The following ADAMTSL3 variants were observed in gnomAD, a reference collection of about 807,000 sequenced individuals.
ADAMTSL3 encodes the protein ADAMTS-like protein 3.
Under a neutral mutation model 201.7 loss-of-function variants are expected in ADAMTSL3, and 128 were observed. The observed-to-expected ratio is 0.63, with a 90% CI of 0.55 to 0.73. ADAMTSL3 has a LOEUF of 0.73. Among genes scored for constraint, ADAMTSL3 ranks in the 30% least tolerant of loss-of-function variants. The pLI, the probability that ADAMTSL3 is intolerant of heterozygous loss-of-function variation, is 0.00. For missense variants in ADAMTSL3, 1,990 were observed against 2,119.6 expected (o/e 0.94, Z 1.20); for synonymous variants, 738 against 748.4 (o/e 0.99, Z 0.23).
intron 15 of ADAMTSL3, among the ~76,000 whole-genome samples, chr15:83,902,265 A>G (rs2065740696): frequency 6.6e-6 from 1 of 152,046 alleles, no homozygotes; most frequent in Non-Finnish European, 1.5e-5. Context: ...GGTAGGGCAC[A>G]AGTCTAATTC....
intron 5 of ADAMTSL3, among the ~76,000 whole-genome samples, chr15:83,807,931 C>A (rs2141873722): frequency 6.6e-6 from 1 of 152,268 alleles, no homozygotes; most frequent in South Asian, 2.1e-4. Context: ...AATTGGATAT[C>A]TATATGCAGA....
chr15:83,666,977 T>C (rs2061256079), intron 2 of ADAMTSL3, among the ~76,000 whole-genome samples: 6 of 152,136 alleles, frequency 3.9e-5, no homozygotes, highest in Admixed American at 3.9e-4. Context: ...TATCTTATGT[T>C]GCAAATAATT....
chr15:83,764,361 C>T (rs988966111), intron 3 of ADAMTSL3, among the ~76,000 whole-genome samples: 5 of 152,140 alleles, frequency 3.3e-5, no homozygotes, highest in African/African-American at 1.2e-4. Context: ...CTTCTCTTTG[C>T]CCTCCAGATC....
intron 2 of ADAMTSL3, among the ~76,000 whole-genome samples, chr15:83,667,706 G>C (rs914116318): frequency 2.6e-5 from 4 of 151,876 alleles, no homozygotes; most frequent in Non-Finnish European, 5.9e-5. Flanking sequence ...AGCAGGTATT[G>C]TCCCCAAAAA....
chr15:83,666,956 T>G (rs1443096990), intron 2 of ADAMTSL3, among the ~76,000 whole-genome samples: 2 of 151,960 alleles, frequency 1.3e-5, no homozygotes, highest in Non-Finnish European at 1.5e-5. Context: ...ATACAAAGAG[T>G]ATTAATTTTT....
chr15:83,749,000 A>G (rs1287681217), intron 3 of ADAMTSL3, among the ~76,000 whole-genome samples: 2 of 152,188 alleles, frequency 1.3e-5, no homozygotes, highest in Non-Finnish European at 2.9e-5. Flanking sequence ...AAGGAAGAGA[A>G]TGAAGCAGGA....
chr15:83,863,996 T>C (rs1234884679), intron 8 of ADAMTSL3, among the ~76,000 whole-genome samples: 1 of 151,970 alleles, frequency 6.6e-6, no homozygotes, highest in Non-Finnish European at 1.5e-5. Context: ...TCTAAGCAAA[T>C]AAACTAGAAA....
intron 21 of ADAMTSL3, among the ~76,000 whole-genome samples, chr15:83,988,258 A>G (rs949187422): frequency 6.6e-6 from 1 of 152,208 alleles, no homozygotes; most frequent in Admixed American, 6.5e-5. Context: ...GCCAAAGCCC[A>G]ATCACCTCCA....
At position 83,838,012 on chromosome 15, in the gene ADAMTSL3, A is replaced by G. The variant is rs569826292; in HGVS notation, c.601-77A>G. 2.6e-6 allele frequency: 4 copies of G among 1,548,956 alleles called. No homozygotes were observed. The African/African-American group carries it at 4.2e-5, about 16-fold the overall frequency. On this transcript the variant is annotated intron_variant, in intron 6 of 29. Transcript: ENST00000286744. ...CTGTAAAGTTAAGGATTACATCACA[A>G]CTAAGCTTCCTGAAATGAAGAGAGC... is the stretch of plus-strand genomic sequence containing the variant.
intron 5 of ADAMTSL3, among the ~76,000 whole-genome samples, chr15:83,812,969 T>A (rs1207303961): frequency 6.6e-6 from 1 of 152,210 alleles, no homozygotes; most frequent in Non-Finnish European, 1.5e-5. Flanking sequence ...ACAGTCAGGT[T>A]TCGGTGAGTG....
chr15:83,709,494 C>T (rs2061902901), intron 3 of ADAMTSL3, among the ~76,000 whole-genome samples: 1 of 152,146 alleles, frequency 6.6e-6, no homozygotes, highest in Admixed American at 6.6e-5. Flanking sequence ...CATAGGCAAA[C>T]AGCTGGATAT....
intron 4 of ADAMTSL3, among the ~76,000 whole-genome samples, chr15:83,798,495 C>T (rs776089962): frequency 1.4e-4 from 22 of 152,112 alleles, no homozygotes; most frequent in Non-Finnish European, 2.2e-4. Flanking sequence ...TGTGGCACAC[C>T]CACTTTTTCC....
rs140449616 is a variant in ADAMTSL3, at chr15:83,907,279, A to G, written c.1701-5813A>G. ...TATAATAGCAGGAGATTTGTCTACT[A>G]TAATTTCATTTTTTTAACACACTCA... On this transcript the variant is annotated intron_variant, in intron 15 of 29. Coordinates refer to ENST00000286744, the MANE Select transcript of ADAMTSL3 (RefSeq NM_207517.3). Among the ~76,000 whole-genome samples, 3 of 152,290 alleles carry G rather than the reference A, an allele frequency of 2.0e-5. No individual in the cohort carries two copies. The East Asian group carries it at 5.8e-4, about 29-fold the overall frequency.
chr15:83,863,085 A>T (rs2064900524), intron 8 of ADAMTSL3: 1 of 152,256 alleles, frequency 6.6e-6, no homozygotes, highest in South Asian at 2.1e-4. Flanking sequence ...CTAAATATAT[A>T]TGCACCCAAT....
Position 83,704,511 on chromosome 15 carries a change from A to G in ADAMTSL3, c.189+3A>G, listed in dbSNP as rs776810960. 4.3e-6 allele frequency: 7 copies of G among 1,614,166 alleles called. No homozygotes were observed. The South Asian group carries it at 4.4e-5, about 10-fold the overall frequency. ...TCACTTATCGCTATGATGACCAGGT[A>G]AGAACATTGGACAAGGATCTACCTT... On this transcript the variant is annotated splice_donor_region_variant and intron_variant, in intron 3 of 29. Transcript: ENST00000286744.
intron 6 of ADAMTSL3, among the ~76,000 whole-genome samples, chr15:83,829,375 C>T (rs2141952615): frequency 6.6e-6 from 1 of 152,040 alleles, no homozygotes; most frequent in Admixed American, 6.5e-5. Context: ...TGGTGATATC[C>T]CCTTTATCAT....
At chr15:83,757,909 A>G (rs1173999130) in intron 3 of ADAMTSL3, among the ~76,000 whole-genome samples, 3 of 152,188 alleles carry the variant, frequency 2.0e-5, no homozygotes, top group Non-Finnish European at 4.4e-5. Flanking sequence ...GCATAGCAAA[A>G]GTCACTTTGC....
intron 2 of ADAMTSL3, among the ~76,000 whole-genome samples, chr15:83,697,448 A>G (rs554311826): frequency 1.3e-5 from 2 of 152,248 alleles, no homozygotes; most frequent in South Asian, 2.1e-4. Flanking sequence ...TCACACGCCA[A>G]TCTCAAGCAG....
chr15:84,013,555 C>T (rs958390929), intron 23 of ADAMTSL3, among the ~76,000 whole-genome samples: 3 of 152,152 alleles, frequency 2.0e-5, no homozygotes, highest in Non-Finnish European at 2.9e-5. Flanking sequence ...CGGGGGATCG[C>T]TTGAGCCCAG....
Sources: gnomAD v4.1 joint callset for allele counts (sites outside exome capture counted in the v4.1 genomes callset) on GRCh38, gnomAD v4.1.1 for gene constraint, MANE v1.5 for transcripts, NCBI Gene and HGNC (gene_info 2026-07-23, HGNC 2026-07-21) for gene names.